Variants in NEK11 observed in about 807,000 individuals in gnomAD.
The protein encoded by NEK11 is NIMA related kinase 11, also known as serine/threonine-protein kinase Nek11.
NEK11 carries 72 observed loss-of-function variants against 80.7 expected under a neutral mutation model. The observed-to-expected ratio is 0.89, with a 90% CI of 0.74 to 1.08. The LOEUF is 1.08. NEK11 is among the 50% of genes least tolerant of loss of function. NEK11 has a pLI of 0.00. For synonymous variants in NEK11, 251 were observed against 260.7 expected (o/e 0.96, Z 0.36); for missense variants, 764 against 763.6 (o/e 1.00, Z -0.01).
At chr3:131,122,723 C>T (rs537209012) in intron 5 of NEK11, among the ~76,000 whole-genome samples, 30 of 152,274 alleles carry the variant, frequency 2.0e-4, no homozygotes, top group African/African-American at 6.5e-4. Flanking sequence ...AGGAATTGTC[C>T]ATACCTTCTC....
At chr3:131,190,244 C>T (rs2093742923) in intron 14 of NEK11, among the ~76,000 whole-genome samples, 1 of 152,160 alleles carries the variant, frequency 6.6e-6, no homozygotes, top group South Asian at 2.1e-4. Flanking sequence ...CTGTCCTGTG[C>T]ACTGAGGATT....
rs1467996322 is a variant in NEK11, at chr3:131,195,810, A to G, written c.1399+24923A>G. 2.0e-5 allele frequency among the ~76,000 whole-genome samples: 3 copies of G among 146,750 alleles called. No homozygotes were observed. The East Asian group carries it at 5.9e-4, about 29-fold the overall frequency. On this transcript the variant is annotated intron_variant, in intron 14 of 17. Coordinates refer to ENST00000383366, the MANE Select transcript of NEK11 (RefSeq NM_024800.5). The stretch of plus-strand genomic sequence containing the variant: ...TATTTCAGAATATATATATATATAT[A>G]TATATATATAAAATTGAAGAAATTT...
At chr3:131,212,187 T>C (rs1355599651) in intron 14 of NEK11, among the ~76,000 whole-genome samples, 1 of 152,242 alleles carries the variant, frequency 6.6e-6, no homozygotes, top group African/African-American at 2.4e-5. Context: ...ATGCTATTTC[T>C]TTCTGTTTGT....
At chr3:131,255,071 A>AGACAGAAG in intron 16 of NEK11, among the ~76,000 whole-genome samples, 1 of 123,240 alleles carries the variant, frequency 8.1e-6, no homozygotes, top group Non-Finnish European at 1.8e-5. Flanking sequence ...ACAGACAGAC[A>AGACAGAAG]GAAAGAAGGA....
intron 17 of NEK11, among the ~76,000 whole-genome samples, chr3:131,294,491 C>T (rs1314964275): frequency 1.3e-5 from 2 of 151,780 alleles, no homozygotes; most frequent in African/African-American, 2.4e-5. Context: ...TGGTCTATCT[C>T]GGTGAATATT....
intron 17 of NEK11, among the ~76,000 whole-genome samples, chr3:131,273,780 G>A (rs2096243977): frequency 6.6e-6 from 1 of 152,144 alleles, no homozygotes; most frequent in South Asian, 2.1e-4. Flanking sequence ...AGTTTGGCAA[G>A]AATTATTTTT....
intron 5 of NEK11, among the ~76,000 whole-genome samples, chr3:131,120,547 C>T (rs2082187851): frequency 6.6e-6 from 1 of 152,132 alleles, no homozygotes; most frequent in African/African-American, 2.4e-5. Flanking sequence ...TGGGGAAGTT[C>T]TTCTGGATAA....
chr3:131,289,036 A>G (rs1036472735), intron 17 of NEK11, among the ~76,000 whole-genome samples: 28 of 152,342 alleles, frequency 1.8e-4, no homozygotes, highest in African/African-American at 5.8e-4. Context: ...TCGGGTTGCC[A>G]TAACAAAGTA....
chr3:131,228,221 A>G (rs1271610970), intron 14 of NEK11, among the ~76,000 whole-genome samples: 1 of 152,200 alleles, frequency 6.6e-6, no homozygotes, highest in Non-Finnish European at 1.5e-5. Context: ...CTCATTTTTA[A>G]TAAGGATTCA....
intron 3 of NEK11, among the ~76,000 whole-genome samples, chr3:131,056,479 G>A (rs1459330964): frequency 1.3e-5 from 2 of 152,152 alleles, no homozygotes; most frequent in African/African-American, 2.4e-5. Flanking sequence ...ACTTGGGGCC[G>A]AAAAGCATCC....
intron 17 of NEK11, among the ~76,000 whole-genome samples, chr3:131,288,122 C>T (rs140289128): frequency 6.4e-4 from 97 of 152,312 alleles, no homozygotes; most frequent in African/African-American, 2.1e-3. Flanking sequence ...GAGAGGTCTC[C>T]TCTGCCCACT....
chr3:131,187,231 G>T (rs1462317624), intron 14 of NEK11, among the ~76,000 whole-genome samples: 2 of 152,162 alleles, frequency 1.3e-5, no homozygotes, highest in Non-Finnish European at 2.9e-5. Flanking sequence ...CATTTCAAGT[G>T]CTTAATAATT....
rs748664685 is a variant in NEK11 at position 131,228,692 on chromosome 3, T to G, written c.1560+4T>G. ...TGCTTACAGAACAAACCAACAGGTA[T>G]GTAATGCTCCCTGTCGGAAGCCATG... On this transcript the variant is annotated splice_donor_region_variant and intron_variant, in intron 15 of 17. Transcript: ENST00000383366. 3 of 1,611,170 alleles carry G rather than the reference T, an allele frequency of 1.9e-6. No homozygotes were observed. The East Asian group carries it at 6.7e-5, about 36-fold the overall frequency.
At chr3:131,040,147 A>T (rs2066255716) in intron 3 of NEK11, among the ~76,000 whole-genome samples, 1 of 152,218 alleles carries the variant, frequency 6.6e-6, no homozygotes, top group South Asian at 2.1e-4. Context: ...TTGAATTTCC[A>T]TTCCGTAGTT....
intron 17 of NEK11, among the ~76,000 whole-genome samples, chr3:131,299,541 C>T (rs1230706586): frequency 6.6e-6 from 1 of 151,754 alleles, no homozygotes; most frequent in Non-Finnish European, 1.5e-5. Context: ...ATCTACCTCT[C>T]AGCAGGCCTC....
intron 17 of NEK11, among the ~76,000 whole-genome samples, chr3:131,290,927 C>A (rs763853428): frequency 6.6e-6 from 1 of 152,172 alleles, no homozygotes; most frequent in Admixed American, 6.6e-5. Context: ...AACTGATGAA[C>A]CTGCATTCAT....
intron 6 of NEK11, chr3:131,133,307 G>A (rs2084888250): frequency 2.2e-6 from 1 of 453,880 alleles, no homozygotes; most frequent in Non-Finnish European, 4.4e-6. Context: ...CATATAGGGT[G>A]TACTTGGGGA....
In NEK11 at chr3:131,349,803, CA is replaced by C; in HGVS notation, c.*29del. 6.5e-7 allele frequency: 1 copy of C among 1,532,628 alleles called. No homozygotes were observed. Among genetic ancestry groups the C allele is most frequent in the Non-Finnish European group, 9.0e-7 (1 of 1,108,634 alleles). 94.9% of individuals were successfully genotyped at this position (1,532,628 alleles called of 1,614,324 possible). On this transcript the variant is annotated 3_prime_UTR_variant, in exon 18 of 18. Coordinates refer to ENST00000383366, the MANE Select transcript of NEK11 (RefSeq NM_024800.5). ...CAACTATCAAAAAGAAGCAGAAGTTCAAGTGGACAAATTTATGTGAAAATTC... is the reference window on the plus strand; with the variant it reads ...CAACTATCAAAAAGAAGCAGAAGTTCAGTGGACAAATTTATGTGAAAATTC...
At chr3:131,118,808 C>A (rs555099394) in intron 5 of NEK11, among the ~76,000 whole-genome samples, 1 of 152,022 alleles carries the variant, frequency 6.6e-6, no homozygotes. Context: ...TCTGTGGGAT[C>A]GGTGGTGATA....
Sources: gnomAD v4.1 joint callset for allele counts (sites outside exome capture counted in the v4.1 genomes callset) on GRCh38, gnomAD v4.1.1 for gene constraint, MANE v1.5 for transcripts, NCBI Gene and HGNC (gene_info 2026-07-23, HGNC 2026-07-21) for gene names.